Variants in ZBTB45 observed in about 807,000 individuals in gnomAD.
The protein encoded by ZBTB45 is zinc finger and BTB domain-containing protein 45.
In ZBTB45, 22 loss-of-function variants were observed where a neutral mutation model predicts 28.4. The observed-to-expected ratio is 0.77, with a 90% CI of 0.55 to 1.10. ZBTB45 has a LOEUF of 1.10. ZBTB45 is among the 50% of genes least tolerant of loss of function. The pLI is 0.00. For missense variants in ZBTB45, 656 were observed against 750.2 expected (o/e 0.87, Z 1.47); for synonymous variants, 361 against 332.3 (o/e 1.09, Z -0.94).
At chr19:58,536,283 G>T (rs1450353790) in intron 1 of ZBTB45, among the ~76,000 whole-genome samples, 1 of 151,930 alleles carries the variant, frequency 6.6e-6, no homozygotes, top group African/African-American at 2.4e-5. Context: ...GGCTAACACG[G>T]TGAAACCCCG....
chr19:58,527,881 C>T (rs1184351588), intron 1 of ZBTB45, among the ~76,000 whole-genome samples: 4 of 152,196 alleles, frequency 2.6e-5, no homozygotes, highest in Non-Finnish European at 5.9e-5. Flanking sequence ...GTAGGTGGAT[C>T]ACCTGAGGTC....
chr19:58,523,612 CA>C (rs144872789), upstream of ZBTB45, among the ~76,000 whole-genome samples: 150,825 of 150,956 alleles, frequency 1, 75,347 homozygotes, highest in East Asian at 1. Flanking sequence ...TGCAGTGAGC[CA>C]GAGATCAGCT....
chr19:58,529,116 C>T lies in ZBTB45; in HGVS notation c.-1+9585G>A, dbSNP rs114144572. ...AAAAAAAAAAAGACATTGATGAGCT[C>T]ATCTTTTAACCTCATAAAGCATCTT... is the stretch of plus-strand genomic sequence containing the variant. On this transcript the variant is annotated intron_variant, in intron 1 of 1. Coordinates refer to the ZBTB45 transcript ENST00000600130. Among the ~76,000 whole-genome samples the T allele has an allele frequency of 7.3e-3, 1,056 of 144,826 alleles. 15 individuals carry two copies. The highest frequency in any genetic ancestry group is 0.027 in the African/African-American group (993 of 36,692).
At chr19:58,532,640 G>A (rs887101373) in intron 1 of ZBTB45, among the ~76,000 whole-genome samples, 6 of 152,238 alleles carry the variant, frequency 3.9e-5, no homozygotes, top group South Asian at 2.1e-4. Context: ...TCTGCCTGCC[G>A]GGTTCAAGCA....
intron 1 of ZBTB45, among the ~76,000 whole-genome samples, chr19:58,529,136 C>T (rs986269241): frequency 1.4e-5 from 2 of 148,074 alleles, no homozygotes; most frequent in Non-Finnish European, 3.0e-5. Context: ...CCTCATAAAG[C>T]ATCTTTTGAA....
rs140831088 is a variant in ZBTB45, at chr19:58,516,698, C to T, written c.976G>A (p.Gly326Arg). ...GSRPPGVKTP[G>R]PPVALFPFHL... ...AAGGGGAAGAGTGCAACGGGCGGCC[C>T]TGGGGTCTTCACACCAGGCGGGCGG... The change falls in exon 2 of 3, where the codon GGG becomes AGG. Residue 326 changes from glycine to arginine, a missense_variant. Gly to Arg is a moderately radical substitution (Grantham distance 125). Transcript: ENST00000594051. This position sits in a 1 kb window ranked among gnomAD's most constrained non-coding sequence, Gnocchi z 6.2. 4,354 of 1,590,008 alleles carry T rather than the reference C, an allele frequency of 2.7e-3. 9 individuals are homozygous for T. The highest frequency in any genetic ancestry group is 3.5e-3 in the Non-Finnish European group (4,070 of 1,167,176).
At chr19:58,526,570 C>T (rs1225356739) in intron 1 of ZBTB45, among the ~76,000 whole-genome samples, 19 of 119,852 alleles carry the variant, frequency 1.6e-4, no homozygotes, top group African/African-American at 4.7e-4. Flanking sequence ...CTCGCTCTGT[C>T]GCCCAGGCTG....
Position 58,516,265 on chromosome 19 carries a change from C to T in ZBTB45, c.1279+130G>A. 8.2e-7 allele frequency: 1 copy of T among 1,221,240 alleles called. No individual in the cohort carries two copies. The highest frequency in any genetic ancestry group is 1.5e-5 in the South Asian group (1 of 68,314). 75.7% of individuals were successfully genotyped at this position (1,221,240 alleles called of 1,614,324 possible). A position where few individuals can be genotyped will look rare whatever the true frequency, so the allele number is the denominator to read the frequency against. ...CATACCTTGCACTTGGGGGAAGGCT[C>T]AATTTCTAGGCCCCCTGCTAACCAA... On this transcript the variant is annotated intron_variant, in intron 2 of 2. Coordinates refer to ENST00000594051, the MANE Select transcript of ZBTB45 (RefSeq NM_001316979.2). This position sits in a 1 kb window ranked among gnomAD's most constrained non-coding sequence, Gnocchi z 6.2.
rs747506218 is a variant in ZBTB45 at position 58,516,874 on chromosome 19, C to G, written c.800G>C (p.Gly267Ala). 3.7e-6 allele frequency: 6 copies of G among 1,613,266 alleles called. No homozygotes were observed. The highest frequency in any genetic ancestry group is 1.1e-5 in the South Asian group (1 of 91,086). ...PAPTGLADYS[G>A]AGRDFLRGAG... ...TCCCCGAAGAAAATCTCTCCCGGCA[C>G]CACTGTAGTCAGCGAGGCCAGTGGG... The change falls in exon 2 of 3, where the codon GGT becomes GCT. Residue 267 changes from glycine (G) to alanine (A), a missense_variant. This residue lies in a region of ZBTB45 where 448 missense variants were observed against 444.3 expected (regional missense o/e 1.01). Transcript: ENST00000594051. The surrounding 1 kb of genome is among the most constrained non-coding windows in gnomAD (Gnocchi z 6.2).
intron 1 of ZBTB45, among the ~76,000 whole-genome samples, chr19:58,528,241 T>C (rs777814203): frequency 2.6e-4 from 40 of 152,206 alleles, no homozygotes; most frequent in Non-Finnish European, 5.0e-4. Flanking sequence ...ACTTCCTGTT[T>C]ACAGGAGACT....
intron 1 of ZBTB45, among the ~76,000 whole-genome samples, chr19:58,526,111 C>G (rs1200536323): frequency 6.6e-6 from 1 of 151,974 alleles, no homozygotes; most frequent in Non-Finnish European, 1.5e-5. Flanking sequence ...GCCTATAATC[C>G]CAGCTATTTG....
At chr19:58,533,065 A>C (rs2053642769) in intron 1 of ZBTB45, among the ~76,000 whole-genome samples, 1 of 139,758 alleles carries the variant, frequency 7.2e-6, no homozygotes. Flanking sequence ...CAAACTCCCG[A>C]CCTCAGGTGA....
At chr19:58,522,877 G>A (rs367812748), upstream of ZBTB45, among the ~76,000 whole-genome samples, 8 of 152,128 alleles carry the variant, frequency 5.3e-5, no homozygotes, top group Non-Finnish European at 1.0e-4. Flanking sequence ...GTGTGTTGAG[G>A]GGGGGAAGCC....
rs377181281 is a variant in ZBTB45 at position 58,516,468 on chromosome 19, C to T, written c.1206G>A (p.Thr402=). ...TCTTGCGACAGTGGCTGCACTCATA[C>T]GTAGGTGGCTCAGCACCTGGGGTGC... ...PARTPGAEPP[T]YECSHCRKTF... is the part of the protein sequence containing the mutation. Residue 402 remains threonine (T), a synonymous_variant, in exon 2 of 3, where the codon ACG becomes ACA. Coordinates refer to ENST00000594051, the MANE Select transcript of ZBTB45 (RefSeq NM_001316979.2). The surrounding 1 kb of genome is among the most constrained non-coding windows in gnomAD (Gnocchi z 6.2). 3.0e-5 allele frequency: 49 copies of T among 1,613,862 alleles called. 1 individual carries two copies. Among genetic ancestry groups the T allele is most frequent in the Middle Eastern group, 1.7e-4 (1 of 6,056 alleles).
chr19:58,538,237 CAG>C (rs1337587777), intron 1 of ZBTB45, among the ~76,000 whole-genome samples: 3 of 151,104 alleles, frequency 2.0e-5, no homozygotes, highest in Non-Finnish European at 4.4e-5. Context: ...TTTTTAAAGA[CAG>C]GGCCTCGCTC....
chr19:58,534,698 A>G (rs1160083049), intron 1 of ZBTB45, among the ~76,000 whole-genome samples: 1 of 151,680 alleles, frequency 6.6e-6, no homozygotes, highest in Non-Finnish European at 1.5e-5. Flanking sequence ...CTGGGACTAC[A>G]GGTGCCCGCC....
intron 1 of ZBTB45, among the ~76,000 whole-genome samples, chr19:58,525,059 C>G (rs765426367): frequency 6.8e-4 from 104 of 152,266 alleles, no homozygotes; most frequent in Non-Finnish European, 1.2e-3. Context: ...GCCCCTCTGA[C>G]AGCATGGGTC....
At chr19:58,520,521 T>C (rs570722385), upstream of ZBTB45, among the ~76,000 whole-genome samples, 168 of 152,232 alleles carry the variant, frequency 1.1e-3, no homozygotes, top group African/African-American at 3.9e-3. Context: ...GTGAAAGGGT[T>C]TTTGCGGAAA....
chr19:58,526,097 A>G (rs2122585940), intron 1 of ZBTB45, among the ~76,000 whole-genome samples: 1 of 152,226 alleles, frequency 6.6e-6, no homozygotes, highest in East Asian at 1.9e-4. Context: ...GCATGGTGGC[A>G]CATGCCTATA....
Sources: gnomAD v4.1 joint callset for allele counts (sites outside exome capture counted in the v4.1 genomes callset) on GRCh38, gnomAD v4.1.1 for gene constraint, gnomAD v4.1.1 regional missense constraint, Gnocchi (gnomAD v3.1) non-coding constraint, MANE v1.5 for transcripts, NCBI Gene and HGNC (gene_info 2026-07-23, HGNC 2026-07-21) for gene names.